Variants in PRMT8 observed in about 807,000 individuals in gnomAD.
PRMT8 encodes protein arginine N-methyltransferase 8.
Under a neutral mutation model 47.1 loss-of-function variants are expected in PRMT8, and 7 were observed. The ratio of observed to expected loss-of-function variants is 0.15; its 90% confidence interval spans 0.08 to 0.28. The LOEUF is 0.28. Among genes scored for constraint, PRMT8 ranks in the 10% least tolerant of loss-of-function variants. The pLI is 1.00. For synonymous variants in PRMT8, 188 were observed against 186.5 expected (o/e 1.01, Z -0.07); for missense variants, 237 against 505.4 (o/e 0.47, Z 5.09).
At position 3,593,591 on chromosome 12, in the gene PRMT8, A is replaced by G. The variant is rs1867361204; in HGVS notation, c.*409A>G. 1 of 238,502 alleles carries G rather than the reference A, an allele frequency of 4.2e-6. No homozygotes were observed. The highest frequency in any genetic ancestry group is 5.4e-5 in the Admixed American group (1 of 18,528). 14.8% of individuals were successfully genotyped at this position (238,502 alleles called of 1,614,324 possible). On this transcript the variant is annotated 3_prime_UTR_variant, in exon 10 of 10. Coordinates refer to ENST00000382622, the MANE Select transcript of PRMT8 (RefSeq NM_019854.5). This position sits in a 1 kb window ranked among gnomAD's most constrained non-coding sequence, Gnocchi z 4.8. Reference sequence around the variant, plus strand: ...CATAGCATCTTTGATAGCATAAGCCAGATTATCTGTGTGTGCGGTGGTGTG... The same window carrying G: ...CATAGCATCTTTGATAGCATAAGCCGGATTATCTGTGTGTGCGGTGGTGTG...
intron 1 of PRMT8, among the ~76,000 whole-genome samples, chr12:3,414,465 G>C (rs1215832504): frequency 6.6e-6 from 1 of 152,154 alleles, no homozygotes; most frequent in Non-Finnish European, 1.5e-5. Flanking sequence ...CACTCAGCCT[G>C]TCAATGGCTA....
At chr12:3,489,841 A>C (rs58833094), upstream of PRMT8, among the ~76,000 whole-genome samples, 1 of 144,762 alleles carries the variant, frequency 6.9e-6, no homozygotes, top group African/African-American at 2.5e-5. Context: ...ACACGCGCGC[A>C]CACACACACA....
At chr12:3,414,617 T>G (rs1370776832) in intron 1 of PRMT8, among the ~76,000 whole-genome samples, 1 of 152,104 alleles carries the variant, frequency 6.6e-6, no homozygotes, top group East Asian at 1.9e-4. Flanking sequence ...CCTCAATATC[T>G]GGGTTCTTGT....
At chr12:3,509,011 G>A (rs992177643) in intron 1 of PRMT8, among the ~76,000 whole-genome samples, 4 of 152,118 alleles carry the variant, frequency 2.6e-5, no homozygotes, top group African/African-American at 4.8e-5. Context: ...CACTGTGGCC[G>A]TCCCTGTTCG....
intron 4 of PRMT8, among the ~76,000 whole-genome samples, chr12:3,565,916 T>C (rs1032123104): frequency 6.6e-6 from 1 of 152,152 alleles, no homozygotes; most frequent in Non-Finnish European, 1.5e-5. Context: ...AAAATTGTCA[T>C]GGGTGGAGCC....
chr12:3,476,054 A>C (rs1865209695), intron 1 of PRMT8, among the ~76,000 whole-genome samples: 1 of 152,202 alleles, frequency 6.6e-6, no homozygotes, highest in Admixed American at 6.5e-5. Context: ...GGACAATCTC[A>C]TTTGAGTAAC....
At chr12:3,567,701 A>G (rs968971737) in intron 4 of PRMT8, among the ~76,000 whole-genome samples, 2 of 152,242 alleles carry the variant, frequency 1.3e-5, no homozygotes, top group Non-Finnish European at 1.5e-5. Context: ...TGAAAATCCA[A>G]GCATAATTTT....
chr12:3,385,511 G>C (rs1864130084), intron 1 of PRMT8, among the ~76,000 whole-genome samples: 1 of 152,204 alleles, frequency 6.6e-6, no homozygotes, highest in Non-Finnish European at 1.5e-5. Flanking sequence ...GAAGAGGTAA[G>C]AGATGAAAAG....
chr12:3,474,877 A>G (rs936333430), intron 1 of PRMT8, among the ~76,000 whole-genome samples: 5 of 152,224 alleles, frequency 3.3e-5, no homozygotes, highest in African/African-American at 1.2e-4. Context: ...TTAGGCTGTC[A>G]GTGAACATTT....
chr12:3,464,863 A>G (rs1306622652), intron 1 of PRMT8, among the ~76,000 whole-genome samples: 1 of 152,004 alleles, frequency 6.6e-6, no homozygotes, highest in Non-Finnish European at 1.5e-5. Context: ...TCCTGCTCAC[A>G]CCTGTAATGT....
rs149664061 is a variant in PRMT8, at chr12:3,508,326, G to A, written c.75+16626G>A. 9.6e-4 allele frequency among the ~76,000 whole-genome samples: 146 copies of A among 152,320 alleles called. No individual in the cohort carries two copies. The highest frequency in any genetic ancestry group is 3.4e-3 in the African/African-American group (143 of 41,572). On this transcript the variant is annotated intron_variant, in intron 1 of 9. Transcript: ENST00000382622. The surrounding 1 kb of genome is among the most constrained non-coding windows in gnomAD (Gnocchi z 4.9). ...GCTTCTGAGTCAGTAGGTGCGTCAT[G>A]CAGGAGAACATGCTCATATACAAAC...
intron 8 of PRMT8, among the ~76,000 whole-genome samples, chr12:3,585,345 CTTTTTTTTTTTTT>C (rs71061123): frequency 0.015 from 676 of 45,806 alleles, 13 homozygotes; most frequent in African/African-American, 0.058. Flanking sequence ...GAAAATGATG[CTTTTTTTTTTTTT>C]TTTTTTTTTT....
At chr12:3,529,769 C>T (rs1004512908) in intron 1 of PRMT8, among the ~76,000 whole-genome samples, 3 of 152,086 alleles carry the variant, frequency 2.0e-5, no homozygotes, top group East Asian at 1.9e-4. Flanking sequence ...CATTTTTCTC[C>T]ACCTTCAGCT....
chr12:3,465,956 A>G (rs963777604), intron 1 of PRMT8, among the ~76,000 whole-genome samples: 11 of 152,146 alleles, frequency 7.2e-5, no homozygotes, highest in African/African-American at 2.7e-4. Context: ...GCCCAGAGAG[A>G]AACTCTACAT....
At chr12:3,382,429 A>G (rs1030567530) in intron 1 of PRMT8, among the ~76,000 whole-genome samples, 1 of 152,204 alleles carries the variant, frequency 6.6e-6, no homozygotes, top group African/African-American at 2.4e-5. Flanking sequence ...CATTCTGTTA[A>G]GTGTGTAAGA....
chr12:3,443,659 G>A (rs534612781), intron 1 of PRMT8, among the ~76,000 whole-genome samples: 1 of 152,282 alleles, frequency 6.6e-6, no homozygotes, highest in South Asian at 2.1e-4. Flanking sequence ...ACCAGCTGGA[G>A]TTATCTTTAT....
At chr12:3,548,238 T>C (rs149673650) in intron 2 of PRMT8, among the ~76,000 whole-genome samples, 40 of 151,778 alleles carry the variant, frequency 2.6e-4, no homozygotes, top group African/African-American at 8.9e-4. Flanking sequence ...AAGACTCTGG[T>C]AAAAAACAAA....
At chr12:3,553,484 A>T in intron 3 of PRMT8, 167 bp from the exon 4 acceptor site, 1 of 641,310 alleles carries the variant, frequency 1.6e-6, no homozygotes, top group Non-Finnish European at 2.8e-6. Context: ...GCTGGCCTTG[A>T]GGTGGGGGGG....
At chr12:3,381,512 A>G in intron 1 of PRMT8, 9 of 1,457,178 alleles carry the variant, frequency 6.2e-6, no homozygotes, top group Non-Finnish European at 8.4e-6. Flanking sequence ...ATTTATCTTG[A>G]CCCCGTGTGG....
Sources: gnomAD v4.1 joint callset for allele counts (sites outside exome capture counted in the v4.1 genomes callset) on GRCh38, gnomAD v4.1.1 for gene constraint, Gnocchi (gnomAD v3.1) non-coding constraint, MANE v1.5 for transcripts, NCBI Gene and HGNC (gene_info 2026-07-23, HGNC 2026-07-21) for gene names.